Variants in PIEZO2 observed in about 807,000 individuals in gnomAD.
PIEZO2 encodes piezo type mechanosensitive ion channel component 2.
PIEZO2 carries 172 observed loss-of-function variants against 337.3 expected under a neutral mutation model. The ratio of observed to expected loss-of-function variants is 0.51; its 90% CI spans 0.45 to 0.58. The LOEUF is 0.58. Ranked by LOEUF, PIEZO2 falls within the 20% of genes least tolerant of loss-of-function variation. The pLI, the probability that PIEZO2 is intolerant of heterozygous loss-of-function variation, is 0.00. For synonymous variants in PIEZO2, 1,251 were observed against 1,228.5 expected (o/e 1.02, Z -0.38); for missense variants, 3,028 against 3,391.3 (o/e 0.89, Z 2.66).
chr18:10,763,223 G>T (rs79489786), intron 21 of PIEZO2, 125 bp from the exon 22 acceptor site: 9 of 972,468 alleles, frequency 9.3e-6, no homozygotes, highest in Admixed American at 4.9e-5. Context: ...CCTAGCATGC[G>T]CAAGGAATTG....
At chr18:11,107,808 C>A (rs539153663) in intron 1 of PIEZO2, among the ~76,000 whole-genome samples, 1 of 152,186 alleles carries the variant, frequency 6.6e-6, no homozygotes, top group Admixed American at 6.5e-5. Context: ...AATAGTGAAG[C>A]CTGCAGCAAA....
intron 7 of PIEZO2, among the ~76,000 whole-genome samples, chr18:10,810,322 C>T (rs956384141): frequency 6.6e-6 from 1 of 152,232 alleles, no homozygotes; most frequent in Non-Finnish European, 1.5e-5. Context: ...GGGGCCCACA[C>T]TCCCACTTTG....
rs553548121 is a variant in PIEZO2, at chr18:10,856,206, C to T, written c.704-640G>A. Among the ~76,000 whole-genome samples, 2 of 152,112 alleles carry T rather than the reference C, an allele frequency of 1.3e-5. No homozygotes were observed. Among genetic ancestry groups the T allele is most frequent in the South Asian group, 4.1e-4 (2 of 4,820 alleles). ...GAGCCACTGCTCCTGGCCAATAACT[C>T]CTTTAAAAGTGTTTTTAAGGAATCA... is the stretch of plus-strand genomic sequence containing the variant. On this transcript the variant is annotated intron_variant, in intron 6 of 55. Transcript: ENST00000674853. This position sits in a 1 kb window ranked among gnomAD's most constrained non-coding sequence, Gnocchi z 4.7.
At chr18:10,690,023 G>T (rs1408129733) in intron 48 of PIEZO2, among the ~76,000 whole-genome samples, 1 of 152,180 alleles carries the variant, frequency 6.6e-6, no homozygotes, top group Non-Finnish European at 1.5e-5. Context: ...TTTCTCTGAT[G>T]ATCATAACCA....
At chr18:10,972,471 G>A (rs867753176) in intron 3 of PIEZO2, among the ~76,000 whole-genome samples, 5 of 152,156 alleles carry the variant, frequency 3.3e-5, no homozygotes, top group African/African-American at 7.2e-5. Flanking sequence ...GGCAGGTGGA[G>A]TGAGAGACTG....
At chr18:11,147,983 T>C (rs2040851598) in intron 1 of PIEZO2, among the ~76,000 whole-genome samples, 1 of 152,230 alleles carries the variant, frequency 6.6e-6, no homozygotes, top group South Asian at 2.1e-4. Flanking sequence ...TTTTAAAAAA[T>C]AAGTAAGAAA....
chr18:10,857,251 C>T (rs759809250), intron 5 of PIEZO2, 40 bp from the exon 6 acceptor site: 2 of 1,500,512 alleles, frequency 1.3e-6, no homozygotes, highest in South Asian at 2.4e-5. Context: ...AGTCCAGGAG[C>T]CTGCCTATCC....
intron 27 of PIEZO2, among the ~76,000 whole-genome samples, chr18:10,757,721 T>C (rs1225181537): frequency 2.0e-5 from 3 of 151,864 alleles, no homozygotes; most frequent in African/African-American, 4.8e-5. Flanking sequence ...AAGTCAGTTT[T>C]GGTATGAAGA....
Position 10,855,676 on chromosome 18 carries a change from T to C in PIEZO2, c.704-110A>G, listed in dbSNP as rs115833601. 2,314 of 838,548 alleles carry C rather than the reference T, an allele frequency of 2.8e-3. 42 individuals are homozygous for C. In the African/African-American group the frequency reaches 0.035, roughly 13 times the overall value. The allele number at this position is 838,548 out of a possible 1,614,324, so 51.9% of individuals were successfully genotyped here. A position where few individuals can be genotyped will look rare whatever the true frequency, so the allele number is the denominator to read the frequency against. On this transcript the variant is annotated intron_variant, in intron 6 of 55. Coordinates refer to ENST00000674853, the MANE Select transcript of PIEZO2 (RefSeq NM_001378183.1). This position sits in a 1 kb window ranked among gnomAD's most constrained non-coding sequence, Gnocchi z 4.9. ...TGAATTTCCTTCAAGTGTTTTTAGGTTTTTTAAAATAGTAATTTTTAAAAA... is the reference window on the plus strand; with the variant it reads ...TGAATTTCCTTCAAGTGTTTTTAGGCTTTTTAAAATAGTAATTTTTAAAAA...
At position 10,861,972 on chromosome 18, in the gene PIEZO2, C is replaced by A. The variant is rs921721462; in HGVS notation, c.493-4761G>T. On this transcript the variant is annotated intron_variant, in intron 5 of 55. Transcript: ENST00000674853. This position sits in a 1 kb window ranked among gnomAD's most constrained non-coding sequence, Gnocchi z 4.3. ...GGCAGAGGTCGCAGTGAGCCGAGAT[C>A]ACGCCACTGCACTCCAGCCTAGGTG... 5.9e-4 allele frequency among the ~76,000 whole-genome samples: 90 copies of A among 152,018 alleles called. No individual in the cohort carries two copies. The highest frequency in any genetic ancestry group is 2.1e-3 in the African/African-American group (85 of 41,456).
intron 13 of PIEZO2, among the ~76,000 whole-genome samples, chr18:10,792,994 G>A (rs944273527): frequency 2.0e-5 from 3 of 152,146 alleles, no homozygotes; most frequent in African/African-American, 7.2e-5. Context: ...TATGGCTCAC[G>A]CCTGTAATCC....
intron 32 of PIEZO2, 100 bp downstream of exon 32, chr18:10,742,394 T>C (rs2037260127): frequency 1.5e-6 from 2 of 1,336,770 alleles, no homozygotes; most frequent in East Asian, 5.1e-5. Flanking sequence ...GTATCGATAA[T>C]CTTGGCAGAA....
At chr18:11,000,779 C>T (rs865957398) in intron 2 of PIEZO2, among the ~76,000 whole-genome samples, 32 of 152,286 alleles carry the variant, frequency 2.1e-4, no homozygotes, top group Admixed American at 1.9e-3. Flanking sequence ...TTTGGGGTGG[C>T]TCCCGGCAGG....
intron 3 of PIEZO2, among the ~76,000 whole-genome samples, chr18:10,913,191 G>A (rs1220537601): frequency 6.6e-6 from 1 of 152,162 alleles, no homozygotes; most frequent in African/African-American, 2.4e-5. Context: ...ACATGTCTAT[G>A]ATGTGTAATT....
At position 10,987,686 on chromosome 18, in the gene PIEZO2, AATAAGTGTAATTACAT is replaced by A. The variant is rs571777569; in HGVS notation, c.161-8042_161-8027del. Among the ~76,000 whole-genome samples, 108 of 152,262 alleles carry A rather than the reference AATAAGTGTAATTACAT, an allele frequency of 7.1e-4. 2 individuals carry two copies. Among genetic ancestry groups the A allele is most frequent in the African/African-American group, 2.6e-3 (107 of 41,558 alleles). ...CAAAAGCACAGGCAACAGAAGCAAA[AATAAGTGTAATTACAT>A]GAAATTTAACGACTTCTGCACAGCA... On this transcript the variant is annotated intron_variant, in intron 2 of 55. Transcript: ENST00000674853.
chr18:11,110,473 C>A lies in PIEZO2; in HGVS notation c.64+38052G>T, dbSNP rs1019070791. On this transcript the variant is annotated intron_variant, in intron 1 of 55. Coordinates refer to ENST00000674853, the MANE Select transcript of PIEZO2 (RefSeq NM_001378183.1). This position sits in a 1 kb window ranked among gnomAD's most constrained non-coding sequence, Gnocchi z 4.2. ...TTAACTCCTCACAAGTCCCGTGGGT[C>A]CCCATGTGACCTCAGTCCACCTGTT... is the stretch of plus-strand genomic sequence containing the variant. 1.3e-5 allele frequency among the ~76,000 whole-genome samples: 2 copies of A among 152,232 alleles called. No individual in the cohort carries two copies. Among genetic ancestry groups the A allele is most frequent in the Non-Finnish European group, 2.9e-5 (2 of 68,034 alleles).
chr18:10,851,735 T>C (rs1216685695), intron 7 of PIEZO2, among the ~76,000 whole-genome samples: 1 of 152,186 alleles, frequency 6.6e-6, no homozygotes. Context: ...ATTTGTAGTT[T>C]TACTGAAATA....
At chr18:10,804,359 C>T (rs975741066) in intron 8 of PIEZO2, among the ~76,000 whole-genome samples, 7 of 152,176 alleles carry the variant, frequency 4.6e-5, no homozygotes, top group African/African-American at 1.4e-4. Context: ...AGCCAGCTGC[C>T]GGCAATCTTC....
At chr18:10,715,606 CT>C in intron 38 of PIEZO2, 43 bp downstream of exon 38, 1 of 1,456,660 alleles carries the variant, frequency 6.9e-7, no homozygotes, top group South Asian at 1.4e-5. Flanking sequence ...TTAATGTCTT[CT>C]TAATGTGGGA....
Sources: allele counts gnomAD v4.1 joint callset (sites outside exome capture counted in the v4.1 genomes callset), GRCh38; gene constraint gnomAD v4.1.1; non-coding constraint Gnocchi (gnomAD v3.1); transcripts MANE v1.5; gene names NCBI Gene and HGNC (gene_info 2026-07-23, HGNC 2026-07-21).